Variants in FRAS1 observed in about 807,000 individuals in gnomAD.
FRAS1 encodes the protein Fraser extracellular matrix complex subunit 1.
In FRAS1, 290 loss-of-function variants were observed where a neutral mutation model predicts 435.2. That is an observed-to-expected ratio of 0.67 (90% CI 0.61 to 0.73). The LOEUF is 0.73. FRAS1 is among the 30% of genes least tolerant of loss of function. The pLI, the probability that FRAS1 is intolerant of heterozygous loss-of-function variation, is 0.00. For synonymous variants in FRAS1, 1,800 were observed against 1,851.0 expected (o/e 0.97, Z 0.71); for missense variants, 4,860 against 5,001.5 (o/e 0.97, Z 0.85).
At chr4:78,141,466 A>G (rs1720179474) in intron 2 of FRAS1, among the ~76,000 whole-genome samples, 1 of 152,208 alleles carries the variant, frequency 6.6e-6, no homozygotes. Context: ...ACTAAAAACA[A>G]CTAGAAAATA....
At chr4:78,464,237 G>C in intron 48 of FRAS1, 92 bp downstream of exon 48, 1 of 1,478,020 alleles carries the variant, frequency 6.8e-7, no homozygotes, top group Admixed American at 2.3e-5. Context: ...TGAGAGAAGA[G>C]CTTCATTTTC....
In FRAS1 at chr4:78,128,200, C is replaced by A. The variant is rs1038225455; in HGVS notation, c.108+62184C>A. On this transcript the variant is annotated intron_variant, in intron 2 of 73. Transcript: ENST00000512123. ...CAAGTCTTTGCTATTGTGAATAGTG[C>A]CACAATAAACATACGTGTGCATGTG... Among the ~76,000 whole-genome samples, 5 of 151,972 alleles carry A rather than the reference C, an allele frequency of 3.3e-5. 1 individual carries two copies. Among genetic ancestry groups the A allele is most frequent in the African/African-American group, 1.2e-4 (5 of 41,346 alleles).
rs1328129948 is a variant in FRAS1, at chr4:78,481,885, A to G, written c.8525A>G (p.Asp2842Gly). Residue 2842 changes from aspartate to glycine, a missense_variant, in exon 57 of 74, where the codon GAC (aspartate) becomes GGC (glycine). By Grantham distance (94) the Asp-to-Gly change is moderately conservative (BLOSUM62 -1). Coordinates refer to ENST00000512123, the MANE Select transcript of FRAS1 (RefSeq NM_025074.7). Reference sequence around the variant, plus strand: ...GTCTGGTGTGCAACGCGGCCCTCAGACCCAGCTTCTGCCACACCAGGAGTT... The same window carrying G: ...GTCTGGTGTGCAACGCGGCCCTCAGGCCCAGCTTCTGCCACACCAGGAGTT... ...ASVWCATRPS[D>G]PASATPGVDY... The G allele has an allele frequency of 1.9e-6, 3 of 1,613,556 alleles. No individual in the cohort carries two copies. The highest frequency in any genetic ancestry group is 2.2e-5 in the East Asian group (1 of 44,880).
intron 2 of FRAS1, among the ~76,000 whole-genome samples, chr4:78,190,072 A>T (rs1179064498): frequency 3.9e-5 from 6 of 152,162 alleles, no homozygotes; most frequent in African/African-American, 1.2e-4. Flanking sequence ...AATATATTAA[A>T]TTCAGATCAG....
At chr4:78,435,015 T>TA (rs1303443411) in intron 38 of FRAS1, among the ~76,000 whole-genome samples, 1 of 152,064 alleles carries the variant, frequency 6.6e-6, no homozygotes, top group Non-Finnish European at 1.5e-5. Context: ...ATGGACTTTT[T>TA]ATGGAACTTA....
At chr4:78,459,417 G>A (rs1315295620) in intron 47 of FRAS1, among the ~76,000 whole-genome samples, 2 of 152,222 alleles carry the variant, frequency 1.3e-5, no homozygotes, top group South Asian at 2.1e-4. Context: ...ACACATGTTT[G>A]GTAGCAACAT....
chr4:78,161,687 G>C (rs956001056), intron 2 of FRAS1, among the ~76,000 whole-genome samples: 18 of 125,594 alleles, frequency 1.4e-4, no homozygotes, highest in African/African-American at 5.4e-4. Flanking sequence ...GTGTAATACT[G>C]TGCTTTATTG....
chr4:78,253,548 G>A (rs1725645239), intron 5 of FRAS1, among the ~76,000 whole-genome samples: 2 of 152,060 alleles, frequency 1.3e-5, no homozygotes, highest in Non-Finnish European at 1.5e-5. Context: ...TGGTCCCTCC[G>A]TTTGGGGTCC....
At chr4:78,435,190 G>A (rs1056063026) in intron 38 of FRAS1, among the ~76,000 whole-genome samples, 2 of 152,292 alleles carry the variant, frequency 1.3e-5, no homozygotes, top group Non-Finnish European at 1.5e-5. Context: ...AGGAGGTTGA[G>A]GCTGCAGTGA....
chr4:78,167,645 A>C (rs1002333478), intron 2 of FRAS1, among the ~76,000 whole-genome samples: 1 of 152,066 alleles, frequency 6.6e-6, no homozygotes, highest in Non-Finnish European at 1.5e-5. Context: ...TTTTTAAGGC[A>C]CTGTTTCCCC....
intron 14 of FRAS1, among the ~76,000 whole-genome samples, chr4:78,304,781 TATCAA>T (rs1728616359): frequency 6.6e-6 from 1 of 152,170 alleles, no homozygotes; most frequent in Non-Finnish European, 1.5e-5. Flanking sequence ...AAAAGTGGTC[TATCAA>T]TTTTGTTGAT....
chr4:78,113,073 C>T (rs974008084), intron 2 of FRAS1, among the ~76,000 whole-genome samples: 9 of 152,048 alleles, frequency 5.9e-5, no homozygotes, highest in African/African-American at 9.7e-5. Flanking sequence ...TGAGAACATG[C>T]GGTGTTTGGT....
At chr4:78,077,356 G>A (rs1397051192) in intron 2 of FRAS1, among the ~76,000 whole-genome samples, 2 of 152,148 alleles carry the variant, frequency 1.3e-5, no homozygotes, top group Admixed American at 6.6e-5. Flanking sequence ...GGTGACAGAC[G>A]GAGACCCTGT....
At chr4:78,126,707 A>G (rs939890430) in intron 2 of FRAS1, among the ~76,000 whole-genome samples, 1 of 152,180 alleles carries the variant, frequency 6.6e-6, no homozygotes, top group African/African-American at 2.4e-5. Context: ...AGCATATTGT[A>G]CAATTTAAGT....
At position 78,479,518 on chromosome 4, in the gene FRAS1, T is replaced by A; in HGVS notation, c.8243T>A (p.Val2748Glu). 1 of 1,613,916 alleles carries A rather than the reference T, an allele frequency of 6.2e-7. No individual in the cohort carries two copies. Among genetic ancestry groups the A allele is most frequent in the Non-Finnish European group, 8.5e-7 (1 of 1,179,806 alleles). Residue 2748 changes from valine (V) to glutamate (E), a missense_variant, in exon 56 of 74, where the codon GTG (valine) becomes GAG (glutamate). By Grantham distance (121) the Val-to-Glu change is moderately radical. Transcript: ENST00000512123. ...AGTCGTGTGATATTCGGGCCTGGTG[T>A]GACCATGTCCACCTGTGATGTCATG... ...AASRVIFGPG[V>E]TMSTCDVMLI...
At chr4:78,452,097 T>G (rs1719043867) in intron 46 of FRAS1, 78 bp from the exon 47 acceptor site, 9 of 1,488,694 alleles carry the variant, frequency 6.0e-6, no homozygotes, top group Non-Finnish European at 8.4e-6. Flanking sequence ...CTGACCTTAC[T>G]TCTTGGCACC....
At chr4:78,121,922 A>G (rs961251148) in intron 2 of FRAS1, among the ~76,000 whole-genome samples, 4 of 152,214 alleles carry the variant, frequency 2.6e-5, no homozygotes, top group African/African-American at 9.6e-5. Context: ...TGTTTGTTTT[A>G]GACGACAATC....
intron 14 of FRAS1, among the ~76,000 whole-genome samples, chr4:78,287,619 C>T (rs1030226115): frequency 3.3e-5 from 5 of 152,132 alleles, no homozygotes; most frequent in Non-Finnish European, 7.4e-5. Context: ...CTTTCTTTCA[C>T]ACCCTTGGTT....
chr4:78,123,882 A>T (rs1719178160), intron 2 of FRAS1, among the ~76,000 whole-genome samples: 1 of 152,206 alleles, frequency 6.6e-6, no homozygotes, highest in Admixed American at 6.5e-5. Flanking sequence ...TTGGGCTGAG[A>T]CGATGGGGTT....
Sources: gnomAD v4.1 joint callset for allele counts (sites outside exome capture counted in the v4.1 genomes callset) on GRCh38, gnomAD v4.1.1 for gene constraint, MANE v1.5 for transcripts, NCBI Gene and HGNC (gene_info 2026-07-23, HGNC 2026-07-21) for gene names.